Variants in NBPF9 observed in about 807,000 individuals in gnomAD.
NBPF9 encodes the protein NBPF family member NBPF9.
A neutral mutation model predicts 97.8 loss-of-function variants in NBPF9; 91 were observed. That is an observed-to-expected ratio of 0.93 (90% CI 0.79 to 1.11). NBPF9 has a LOEUF of 1.11. Ranked by LOEUF, NBPF9 falls within the 50% of genes least tolerant of loss-of-function variation. The pLI is 0.00. For missense variants in NBPF9, 992 were observed against 939.5 expected, an observed-to-expected ratio of 1.06 and a Z score of -0.73; for synonymous variants, 334 against 359.5, an observed-to-expected ratio of 0.93 and a Z score of 0.80.
chr1:149,072,661 T>C, intron 14 of NBPF9, 57 bp downstream of exon 14: 1 of 1,559,220 alleles, frequency 6.4e-7, no homozygotes, highest in Non-Finnish European at 8.8e-7. Context: ...AGTATGGAGG[T>C]CTGGAGCCTC....
intron 4 of NBPF9, among the ~76,000 whole-genome samples, chr1:149,094,179 A>T (rs1188266816): frequency 6.6e-6 from 1 of 151,530 alleles, no homozygotes; most frequent in African/African-American, 2.4e-5. Context: ...CTTAACTCCA[A>T]ATATTATTAT....
chr1:149,055,332 G>T (rs1418896207), exon 30 of NBPF9: 6 of 517,098 alleles, frequency 1.2e-5, no homozygotes, highest in Non-Finnish European at 1.7e-5. Flanking sequence ...AGCAGGTATA[G>T]AAGCTCAGAG....
At chr1:149,079,124 G>A (rs1159836236) in exon 9 of NBPF9, 4 of 1,277,384 alleles carry the variant, frequency 3.1e-6, no homozygotes, top group Non-Finnish European at 4.5e-6. Context: ...GCCTGGAGAT[G>A]CTCATTCAAT....
Position 149,082,186 on chromosome 1 carries a change from A to T in NBPF9, c.-35-12T>A, listed in dbSNP as rs1553657006. 1 of 1,610,450 alleles carries T rather than the reference A, an allele frequency of 6.2e-7. No individual in the cohort carries two copies. The highest frequency in any genetic ancestry group is 8.5e-7 in the Non-Finnish European group (1 of 1,178,550). ...GGTGGGGCCAGGGACTGGGGAGAAG[A>T]AACCCAAACATATGATGGGTTAAAA... is the stretch of plus-strand genomic sequence containing the variant. On this transcript the variant is annotated splice_polypyrimidine_tract_variant and intron_variant, in intron 6 of 29. Coordinates refer to ENST00000584027, the Ensembl canonical transcript of NBPF9.
At chr1:149,071,465 C>G (rs2079404479) in intron 15 of NBPF9, 139 bp downstream of exon 15, 1 of 1,168,604 alleles carries the variant, frequency 8.6e-7, no homozygotes, top group East Asian at 2.9e-5. Flanking sequence ...CACCCTGTGT[C>G]TAAGCTGGGT....
Position 149,064,666 on chromosome 1 carries a change from T to C in NBPF9, c.1802-184A>G, listed in dbSNP as rs1487041115. The C allele has an allele frequency of 2.6e-5, 16 of 613,030 alleles. 1 individual carries two copies. In the African/African-American group the frequency reaches 2.8e-4, roughly 11 times the overall value. The allele number at this position is 613,030 out of a possible 1,614,324, so 38.0% of individuals were successfully genotyped here. On this transcript the variant is annotated intron_variant, in intron 18 of 29. Coordinates refer to ENST00000584027, the Ensembl canonical transcript of NBPF9. ...GAGAAAACTGGCTTGGGTTCTTTCA[T>C]GAGCCTTGGGCAAAATTCCCCTGTG...
chr1:149,085,714 T>C (rs2080938238), intron 5 of NBPF9, among the ~76,000 whole-genome samples: 1 of 151,730 alleles, frequency 6.6e-6, no homozygotes, highest in South Asian at 2.1e-4. Flanking sequence ...TTTCATTTTC[T>C]AGCTGCTAAT....
intron 19 of NBPF9, 148 bp from the exon 20 acceptor site, chr1:149,063,953 G>T (rs1289033765): frequency 1.5e-6 from 1 of 680,794 alleles, no homozygotes; most frequent in Admixed American, 2.2e-5. Flanking sequence ...CCTTTATGTT[G>T]GGATAGACTA....
chr1:149,071,461 G>C lies in NBPF9; in HGVS notation c.1379+143C>G, dbSNP rs587604055. On this transcript the variant is annotated intron_variant, in intron 15 of 29. Transcript: ENST00000584027. The stretch of plus-strand genomic sequence containing the variant: ...AGAAACATGACAGCTGCCGCACCCT[G>C]TGTCTAAGCTGGGTTCAATTTCACA... 3.2e-5 allele frequency: 36 copies of C among 1,116,068 alleles called. 2 individuals are homozygous for C. Among genetic ancestry groups the C allele is most frequent in the African/African-American group, 1.5e-4 (9 of 61,498 alleles). 69.1% of individuals were successfully genotyped at this position (1,116,068 alleles called of 1,614,324 possible).
rs1172470259 is a variant in NBPF9, at chr1:149,058,085, G to C, written c.2810+79C>G. ...TGCTTGAAAAGATGTAATCGATAAT[G>C]TCAGCCCGCTCTGTTTTCCCTGAAC... On this transcript the variant is annotated intron_variant, in intron 27 of 29. Transcript: ENST00000584027. 3.2e-4 allele frequency: 143 copies of C among 446,272 alleles called. 13 individuals are homozygous for C. Among genetic ancestry groups the C allele is most frequent in the Non-Finnish European group, 3.9e-4 (104 of 264,992 alleles). 27.6% of individuals were successfully genotyped at this position (446,272 alleles called of 1,614,324 possible). A position where few individuals can be genotyped will look rare whatever the true frequency, so the allele number is the denominator to read the frequency against.
chr1:149,082,710 A>T (rs6604860), intron 5 of NBPF9, among the ~76,000 whole-genome samples: 1 of 144,814 alleles, frequency 6.9e-6, no homozygotes, highest in Admixed American at 6.9e-5. Flanking sequence ...CCAACAGGTT[A>T]TATTTTCTTA....
chr1:149,071,354 T>G (rs1469746368), intron 15 of NBPF9, among the ~76,000 whole-genome samples: 5 of 151,198 alleles, frequency 3.3e-5, no homozygotes, highest in Admixed American at 6.6e-5. Context: ...CTGCTGTTCA[T>G]TGCACTGGAC....
At chr1:149,093,246 G>C (rs1305331312) in intron 4 of NBPF9, among the ~76,000 whole-genome samples, 4 of 151,612 alleles carry the variant, frequency 2.6e-5, no homozygotes, top group Non-Finnish European at 4.4e-5. Context: ...ATTGCTGCCA[G>C]CATGTCCCAC....
chr1:149,071,409 T>G (rs2079398425), intron 15 of NBPF9, among the ~76,000 whole-genome samples, 195 bp downstream of exon 15: 1 of 148,542 alleles, frequency 6.7e-6, no homozygotes, highest in South Asian at 2.2e-4. Context: ...CCTTGTACGG[T>G]GCAGACATGA....
chr1:149,058,043 T>C, intron 27 of NBPF9, 121 bp downstream of exon 27: 1 of 280,200 alleles, frequency 3.6e-6, no homozygotes, highest in Non-Finnish European at 6.3e-6. Flanking sequence ...GCAATGTTAG[T>C]AGGAATAATT....
chr1:149,087,332 T>TATACAC (rs1296233530), intron 5 of NBPF9, among the ~76,000 whole-genome samples: 6 of 147,030 alleles, frequency 4.1e-5, no homozygotes, highest in African/African-American at 1.5e-4. Flanking sequence ...TATATATATA[T>TATACAC]ACACACACAC....
chr1:149,055,481 GT>G (rs1381152117), exon 30 of NBPF9: 6 of 1,404,806 alleles, frequency 4.3e-6, no homozygotes, highest in Non-Finnish European at 4.8e-6. Context: ...TGGGTCCATT[GT>G]CTTCAGACTG....
At chr1:149,061,588 T>G (rs1443611543) in intron 22 of NBPF9, 2 of 306,718 alleles carry the variant, frequency 6.5e-6, no homozygotes, top group Admixed American at 5.4e-5. Flanking sequence ...ATCCCCATTC[T>G]GGTAGATCGT....
At chr1:149,070,639 G>T (rs1385185593) in intron 16 of NBPF9, among the ~76,000 whole-genome samples, 2 of 151,654 alleles carry the variant, frequency 1.3e-5, no homozygotes, top group African/African-American at 4.8e-5. Flanking sequence ...CTTAATCACA[G>T]ATGACAAGAG....
Sources: allele counts gnomAD v4.1 joint callset (sites outside exome capture counted in the v4.1 genomes callset), GRCh38; gene constraint gnomAD v4.1.1; transcripts MANE v1.5; gene names NCBI Gene and HGNC (gene_info 2026-07-23, HGNC 2026-07-21).